The following THSD4 variants were observed in gnomAD, a reference collection of about 807,000 sequenced individuals.
THSD4 encodes the protein thrombospondin type 1 domain containing 4.
A neutral mutation model predicts 119.0 loss-of-function variants in THSD4; 69 were observed. The observed-to-expected ratio is 0.58, with a 90% CI of 0.48 to 0.71. The LOEUF is 0.71. Among genes scored for constraint, THSD4 ranks in the 30% least tolerant of loss-of-function variants. The pLI, the probability that THSD4 is intolerant of heterozygous loss-of-function variation, is 0.00. For missense variants in THSD4, 1,393 were observed against 1,391.1 expected (o/e 1.00, Z -0.02); for synonymous variants, 524 against 540.4 (o/e 0.97, Z 0.42).
At chr15:71,628,901 T>C (rs1335999562) in intron 7 of THSD4, among the ~76,000 whole-genome samples, 1 of 152,198 alleles carries the variant, frequency 6.6e-6, no homozygotes, top group Non-Finnish European at 1.5e-5. Context: ...GACAGAAATA[T>C]GGTTGGTCAT....
At chr15:71,597,079 G>A (rs1046976685) in intron 7 of THSD4, among the ~76,000 whole-genome samples, 1 of 151,924 alleles carries the variant, frequency 6.6e-6, no homozygotes, top group African/African-American at 2.4e-5. Flanking sequence ...CTTTGAAGTT[G>A]TTTCTTTTCT....
chr15:71,742,675 T>A (rs1216813467), intron 11 of THSD4, among the ~76,000 whole-genome samples: 1 of 152,188 alleles, frequency 6.6e-6, no homozygotes, highest in Non-Finnish European at 1.5e-5. Context: ...TCTTGAACAA[T>A]GGGAGGTGGC....
chr15:71,609,873 A>G (rs1412393626), intron 7 of THSD4, among the ~76,000 whole-genome samples: 3 of 151,742 alleles, frequency 2.0e-5, no homozygotes, highest in East Asian at 1.9e-4. Flanking sequence ...AAAAAGAAAA[A>G]AAGAAAAAGA....
intron 7 of THSD4, among the ~76,000 whole-genome samples, chr15:71,639,872 C>A (rs1405029482): frequency 2.6e-5 from 4 of 151,484 alleles, no homozygotes; most frequent in Non-Finnish European, 4.4e-5. Flanking sequence ...AAAAGCCAAG[C>A]CAGAAAAATA....
chr15:71,587,706 T>C (rs1477293577), intron 7 of THSD4, among the ~76,000 whole-genome samples: 1 of 129,684 alleles, frequency 7.7e-6, no homozygotes, highest in African/African-American at 2.8e-5. Context: ...CGCACCAGCA[T>C]GGCACATGTA....
intron 6 of THSD4, among the ~76,000 whole-genome samples, chr15:71,340,968 G>T (rs1465009125): frequency 3.3e-5 from 5 of 152,050 alleles, no homozygotes; most frequent in Non-Finnish European, 2.9e-5. Context: ...GGTCTACACT[G>T]GTCCCTACAG....
In THSD4 at chr15:71,775,886, A is replaced by G. The variant is rs1027149293; in HGVS notation, c.2915-1346A>G. Among the ~76,000 whole-genome samples, 13 of 152,328 alleles carry G rather than the reference A, an allele frequency of 8.5e-5. No homozygotes were observed. The South Asian group carries it at 2.5e-3, about 29-fold the overall frequency. ...ATAAAAAAAGCAAGGAGAGCAGAATAGGCCAGAAATACACATATAAAGGAT... is the reference window on the plus strand; with the variant it reads ...ATAAAAAAAGCAAGGAGAGCAGAATGGGCCAGAAATACACATATAAAGGAT... On this transcript the variant is annotated intron_variant, in intron 17 of 17. Transcript: ENST00000261862.
At chr15:71,725,718 A>G (rs1474325396) in intron 8 of THSD4, among the ~76,000 whole-genome samples, 8 of 152,180 alleles carry the variant, frequency 5.3e-5, no homozygotes, top group African/African-American at 7.2e-5. Flanking sequence ...AATTTCCTCA[A>G]TGGAATGATG....
At chr15:71,760,998 G>T (rs2053619047) in intron 15 of THSD4, among the ~76,000 whole-genome samples, 1 of 151,944 alleles carries the variant, frequency 6.6e-6, no homozygotes, top group South Asian at 2.1e-4. Context: ...GACTATTTTT[G>T]TCTTTATTTT....
upstream of THSD4, chr15:71,112,211 G>C: frequency 6.2e-7 from 1 of 1,613,474 alleles, no homozygotes; most frequent in Non-Finnish European, 8.5e-7. Context: ...TTCTGTGGGT[G>C]TGGCTGTAGG....
At chr15:71,549,364 A>C (rs754329197) in intron 7 of THSD4, among the ~76,000 whole-genome samples, 10 of 151,800 alleles carry the variant, frequency 6.6e-5, no homozygotes, top group Non-Finnish European at 1.0e-4. Flanking sequence ...ATGTGTGTGC[A>C]TGCGTGTGTG....
chr15:71,634,622 T>TG (rs2050701985), intron 7 of THSD4, among the ~76,000 whole-genome samples: 1 of 152,128 alleles, frequency 6.6e-6, no homozygotes, highest in Non-Finnish European at 1.5e-5. Context: ...GAGCAGTGGC[T>TG]GGGGGACTGT....
chr15:71,166,727 C>G (rs1307472065), intron 3 of THSD4, among the ~76,000 whole-genome samples: 1 of 152,116 alleles, frequency 6.6e-6, no homozygotes, highest in African/African-American at 2.4e-5. Context: ...TAACTCCAGT[C>G]AAAGTGTAGT....
In THSD4 at chr15:71,108,986, C is replaced by T. The variant is rs193301920; in HGVS notation, c.-80+11980C>T. On this transcript the variant is annotated intron_variant, in intron 1 of 17. Coordinates refer to the THSD4 transcript ENST00000355327. ...CAGCCTGGGCAACAGAGTGAGACTCCGTCTCAAACAAACAAACAAACAAAC... is the reference window on the plus strand; with the variant it reads ...CAGCCTGGGCAACAGAGTGAGACTCTGTCTCAAACAAACAAACAAACAAAC... Among the ~76,000 whole-genome samples the T allele has an allele frequency of 4.9e-4, 74 of 151,956 alleles. No homozygotes were observed. The East Asian group carries it at 0.012, about 25-fold the overall frequency.
chr15:71,160,713 G>C (rs1360353601), intron 3 of THSD4, among the ~76,000 whole-genome samples: 1 of 150,632 alleles, frequency 6.6e-6, no homozygotes, highest in African/African-American at 2.4e-5. Flanking sequence ...GTGTACCTAA[G>C]GTTTGTCAAT....
intron 7 of THSD4, among the ~76,000 whole-genome samples, chr15:71,593,858 T>G (rs555944254): frequency 6.6e-6 from 1 of 151,964 alleles, no homozygotes; most frequent in South Asian, 2.1e-4. Flanking sequence ...GAGCCATGAT[T>G]GCGCCACTGC....
chr15:71,446,135 G>T (rs2047177962), intron 7 of THSD4, among the ~76,000 whole-genome samples: 2 of 152,140 alleles, frequency 1.3e-5, no homozygotes, highest in Admixed American at 6.6e-5. Context: ...TATCAATTCC[G>T]CTTTCCATCC....
chr15:71,522,039 A>T (rs887077245), intron 7 of THSD4, among the ~76,000 whole-genome samples: 1 of 152,238 alleles, frequency 6.6e-6, no homozygotes, highest in African/African-American at 2.4e-5. Context: ...TAAAATATTC[A>T]TCATCAGTTC....
intron 15 of THSD4, 79 bp from the exon 16 acceptor site, chr15:71,764,941 A>G: frequency 6.6e-7 from 1 of 1,510,846 alleles, no homozygotes; most frequent in Non-Finnish European, 8.9e-7. Context: ...GGTGCCCGTC[A>G]TAAGCATCCC....
Sources: gnomAD v4.1 joint callset for allele counts (sites outside exome capture counted in the v4.1 genomes callset) on GRCh38, gnomAD v4.1.1 for gene constraint, MANE v1.5 for transcripts, NCBI Gene and HGNC (gene_info 2026-07-23, HGNC 2026-07-21) for gene names.